CMPK1: variants seen among roughly 807,000 people sequenced by gnomAD.
CMPK1 encodes UMP-CMP kinase.
In CMPK1, 10 loss-of-function variants were observed where a neutral mutation model predicts 25.7. That is an observed-to-expected ratio of 0.39 (90% CI 0.24 to 0.66). The LOEUF (loss-of-function observed/expected upper bound fraction) is 0.66. CMPK1 is among the 30% of genes least tolerant of loss of function. The pLI, the probability that CMPK1 is intolerant of heterozygous loss-of-function variation, is 0.48. For missense variants in CMPK1, 199 were observed against 280.5 expected (o/e 0.71, Z 2.08); for synonymous variants, 106 against 101.5 (o/e 1.04, Z -0.27).
Position 47,357,666 on chromosome 1 carries a change from G to A in CMPK1, c.172-10803G>A, listed in dbSNP as rs575266522. Among the ~76,000 whole-genome samples, 5 of 151,904 alleles carry A rather than the reference G, an allele frequency of 3.3e-5. No individual in the cohort carries two copies. In the East Asian group the frequency reaches 9.7e-4, roughly 30 times the overall value. ...TGCGTGGCTGATTTTTGTGTTTTTA[G>A]TAGAGACAGGGTTTCGCCATGTTGG... On this transcript the variant is annotated intron_variant, in intron 1 of 5. Coordinates refer to ENST00000371873, the MANE Select transcript of CMPK1 (RefSeq NM_016308.3).
chr1:47,341,636 T>A (rs1646441757), intron 1 of CMPK1, among the ~76,000 whole-genome samples: 2 of 152,050 alleles, frequency 1.3e-5, no homozygotes. Context: ...ATTTTTATTT[T>A]TTATTATTTA....
intron 5 of CMPK1, among the ~76,000 whole-genome samples, 166 bp downstream of exon 5, chr1:47,375,459 C>G (rs988408463): frequency 6.6e-6 from 1 of 151,664 alleles, no homozygotes; most frequent in Admixed American, 6.6e-5. Flanking sequence ...CACAAGTGTT[C>G]AAGACCAGCC....
In CMPK1 at chr1:47,354,713, T is replaced by C. The variant is rs148647909; in HGVS notation, c.172-13756T>C. Among the ~76,000 whole-genome samples, 367 of 151,332 alleles carry C rather than the reference T, an allele frequency of 2.4e-3. 1 individual carries two copies. The highest frequency in any genetic ancestry group is 8.4e-3 in the African/African-American group (348 of 41,324). ...AATAGTTTACTTAGCCATTCCTATA[T>C]TGGTGGAAGTTTAGATTTGTTTTGG... On this transcript the variant is annotated intron_variant, in intron 1 of 5. Coordinates refer to ENST00000371873, the MANE Select transcript of CMPK1 (RefSeq NM_016308.3).
At chr1:47,338,689 C>T (rs1646418536) in intron 1 of CMPK1, among the ~76,000 whole-genome samples, 1 of 151,204 alleles carries the variant, frequency 6.6e-6, no homozygotes, top group South Asian at 2.1e-4. Context: ...AATCTGTATC[C>T]TCTAATACTG....
rs1001443069 is a variant in CMPK1 at position 47,363,925 on chromosome 1, C to T, written c.172-4544C>T. Among the ~76,000 whole-genome samples, 6 of 151,812 alleles carry T rather than the reference C, an allele frequency of 4.0e-5. No individual in the cohort carries two copies. The South Asian group carries it at 6.3e-4, about 16-fold the overall frequency. On this transcript the variant is annotated intron_variant, in intron 1 of 5. Coordinates refer to ENST00000371873, the MANE Select transcript of CMPK1 (RefSeq NM_016308.3). ...GCCACTGCACTCCAGGCTAGGTGATCGACCGAGATTCCGTCTAAAAGGAAA... is the reference window on the plus strand; with the variant it reads ...GCCACTGCACTCCAGGCTAGGTGATTGACCGAGATTCCGTCTAAAAGGAAA...
intron 1 of CMPK1, among the ~76,000 whole-genome samples, chr1:47,359,386 C>CTT (rs71053107): frequency 0.25 from 25,948 of 102,554 alleles, 3,933 homozygotes; most frequent in Non-Finnish European, 0.32. Flanking sequence ...AACCTTTTTT[C>CTT]TTTTTTTTTT....
chr1:47,339,748 C>T (rs1646426145), intron 1 of CMPK1, among the ~76,000 whole-genome samples: 1 of 145,576 alleles, frequency 6.9e-6, no homozygotes, highest in African/African-American at 2.5e-5. Context: ...TACTCTGTCG[C>T]CCAGACGGGA....
chr1:47,356,931 G>C (rs1190872474), intron 1 of CMPK1, among the ~76,000 whole-genome samples: 1 of 151,198 alleles, frequency 6.6e-6, no homozygotes, highest in African/African-American at 2.4e-5. Context: ...AAAGTGCTGG[G>C]ATTACAGGCA....
intron 2 of CMPK1, among the ~76,000 whole-genome samples, chr1:47,370,474 A>G (rs1433138800): frequency 6.6e-6 from 1 of 151,062 alleles, no homozygotes; most frequent in East Asian, 2.0e-4. Context: ...CCCCGTCTCT[A>G]CCAAAAAATA....
chr1:47,335,513 T>G (rs141333342), intron 1 of CMPK1, among the ~76,000 whole-genome samples: 1,920 of 151,412 alleles, frequency 0.013, 42 homozygotes, highest in African/African-American at 0.044. Flanking sequence ...GGCGGGCGCC[T>G]GTAATCCCAG....
At chr1:47,361,490 G>A (rs532254350) in intron 1 of CMPK1, among the ~76,000 whole-genome samples, 4 of 152,312 alleles carry the variant, frequency 2.6e-5, no homozygotes, top group Admixed American at 1.3e-4. Flanking sequence ...CTATAAAGTG[G>A]CTGAAACTGG....
chr1:47,360,503 T>G (rs1355772054), intron 1 of CMPK1, among the ~76,000 whole-genome samples: 2 of 152,198 alleles, frequency 1.3e-5, no homozygotes. Flanking sequence ...TAAGTTTTAT[T>G]TATTCTATTT....
intron 1 of CMPK1, among the ~76,000 whole-genome samples, chr1:47,366,063 G>A (rs1051053992): frequency 1.3e-5 from 2 of 151,994 alleles, no homozygotes; most frequent in African/African-American, 2.4e-5. Context: ...GCATGGTGGT[G>A]CACGCCTGTA....
intron 1 of CMPK1, among the ~76,000 whole-genome samples, chr1:47,351,794 GT>G (rs1243284752): frequency 6.6e-6 from 1 of 151,794 alleles, no homozygotes; most frequent in Non-Finnish European, 1.5e-5. Context: ...ATTCTAGTAG[GT>G]GTGAAGGGTT....
intron 1 of CMPK1, among the ~76,000 whole-genome samples, chr1:47,337,654 G>T (rs1646409059): frequency 6.6e-6 from 1 of 150,910 alleles, no homozygotes; most frequent in Non-Finnish European, 1.5e-5. Context: ...CACGCTGTCG[G>T]CCAGGCTGGT....
chr1:47,350,148 G>A (rs1430710238), intron 1 of CMPK1, among the ~76,000 whole-genome samples: 2 of 151,970 alleles, frequency 1.3e-5, no homozygotes, highest in South Asian at 2.1e-4. Context: ...TGTCTTGCCC[G>A]GGATGGTCTC....
intron 1 of CMPK1, among the ~76,000 whole-genome samples, chr1:47,337,994 TACAGGCAATTATAA>T (rs1206489499): frequency 6.6e-6 from 1 of 152,166 alleles, no homozygotes; most frequent in African/African-American, 2.4e-5. Context: ...TATTTTTTTA[TACAGGCAATTATAA>T]ACTAAATTCC....
At chr1:47,360,199 C>G (rs1318200072) in intron 1 of CMPK1, among the ~76,000 whole-genome samples, 1 of 152,164 alleles carries the variant, frequency 6.6e-6, no homozygotes, top group Non-Finnish European at 1.5e-5. Context: ...CTGAAGGTGT[C>G]TAAGCCTGGT....
intron 1 of CMPK1, among the ~76,000 whole-genome samples, chr1:47,360,759 C>T (rs1465652492): frequency 2.6e-5 from 4 of 152,112 alleles, no homozygotes; most frequent in East Asian, 1.9e-4. Context: ...TACAGTAAGT[C>T]GAAGTGTTGC....
Sources: gnomAD v4.1 joint callset for allele counts (sites outside exome capture counted in the v4.1 genomes callset) on GRCh38, gnomAD v4.1.1 for gene constraint, MANE v1.5 for transcripts, NCBI Gene and HGNC (gene_info 2026-07-23, HGNC 2026-07-21) for gene names.